POSTN: variants seen among roughly 807,000 people sequenced by gnomAD.
POSTN encodes osteoblast specific factor 2 (fasciclin I-like).
POSTN carries 71 observed loss-of-function variants against 104.5 expected under a neutral mutation model. The observed-to-expected ratio is 0.68, with a 90% confidence interval of 0.56 to 0.83. POSTN has a LOEUF of 0.83. POSTN is among the 40% of genes least tolerant of loss of function. POSTN has a pLI of 0.00. For missense variants in POSTN, 949 were observed against 1,006.8 expected (o/e 0.94, Z 0.78); for synonymous variants, 355 against 340.7 (o/e 1.04, Z -0.46).
chr13:37,572,283 AT>A (rs960938339), intron 17 of POSTN, among the ~76,000 whole-genome samples: 5 of 149,980 alleles, frequency 3.3e-5, no homozygotes, highest in African/African-American at 4.9e-5. Flanking sequence ...CTTTGAGAGC[AT>A]TTTTTTTTGC....
intron 2 of POSTN, among the ~76,000 whole-genome samples, chr13:37,592,817 T>A (rs781503871): frequency 1.2e-4 from 19 of 152,242 alleles, no homozygotes; most frequent in Admixed American, 9.8e-4. Flanking sequence ...ACAGAGTAAT[T>A]GTGAATCTCA....
rs1566026920 is a variant in POSTN, at chr13:37,584,861, A to G, written c.963T>C (p.Phe321=). The G allele has an allele frequency of 3.1e-6, 5 of 1,613,796 alleles. No individual in the cohort carries two copies. Among genetic ancestry groups the G allele is most frequent in the South Asian group, 1.1e-5 (1 of 91,080 alleles). The change falls in exon 8 of 23, where the codon TTT becomes TTC. Residue 321 remains phenylalanine, a synonymous_variant. Transcript: ENST00000379747. ...CAATTGTATTTCCTTCCAGCGTCTC[A>G]AAGACTGCTCCTCCCATAATAGACT... ...CSESIMGGAV[F]ETLEGNTIEI...
chr13:37,596,365 T>C (rs1296544961), intron 2 of POSTN, among the ~76,000 whole-genome samples: 1 of 152,122 alleles, frequency 6.6e-6, no homozygotes, highest in African/African-American at 2.4e-5. Flanking sequence ...ATGACTGGTC[T>C]CCCTCATTGT....
At position 37,590,408 on chromosome 13, in the gene POSTN, AAAGT is replaced by A. The variant is rs1472791001; in HGVS notation, c.401_404del (p.Tyr134LeufsTer23). The A allele has an allele frequency of 6.2e-7, 1 of 1,603,950 alleles. No individual in the cohort carries two copies. The highest frequency in any genetic ancestry group is 1.1e-5 in the South Asian group (1 of 89,474). ...TGTCCCAAGCCTCATTACTCGGTGC[AAAGT>A]AAGTGAAGGATCCCTTTCCCTCGAT... On this transcript the variant is annotated frameshift_variant, in exon 4 of 23. Transcript: ENST00000379747. LOFTEE classifies it high-confidence loss of function.
At chr13:37,588,932 T>C (rs1950841553) in intron 4 of POSTN, among the ~76,000 whole-genome samples, 1 of 152,042 alleles carries the variant, frequency 6.6e-6, no homozygotes, top group South Asian at 2.1e-4. Context: ...AATTAGAGTA[T>C]TAGGGGGATC....
At position 37,586,175 on chromosome 13, in the gene POSTN, G is replaced by T; in HGVS notation, c.859C>A (p.Leu287Ile). 6.2e-7 allele frequency: 1 copy of T among 1,613,632 alleles called. No individual in the cohort carries two copies. Among genetic ancestry groups the T allele is most frequent in the Middle Eastern group, 1.7e-4 (1 of 6,056 alleles). ...ACTTTGTCTCCCATGATCCTTTCTA[G>T]GACACCTCGTGGAAGTTTCTCAAAA... is the stretch of plus-strand genomic sequence containing the variant. ...EAFEKLPRGV[L>I]ERIMGDKVAS... Residue 287 changes from leucine (L) to isoleucine (I), a missense_variant, in exon 7 of 23, where the codon CTA (leucine) becomes ATA (isoleucine). Coordinates refer to ENST00000379747, the MANE Select transcript of POSTN (RefSeq NM_006475.3).
intron 10 of POSTN, among the ~76,000 whole-genome samples, chr13:37,582,160 G>A (rs1053149547): frequency 2.0e-5 from 3 of 152,180 alleles, no homozygotes; most frequent in Non-Finnish European, 4.4e-5. Flanking sequence ...TGAAACACAT[G>A]CAAAATATCT....
chr13:37,566,421 A>C (rs985622732), intron 21 of POSTN, among the ~76,000 whole-genome samples: 1 of 152,202 alleles, frequency 6.6e-6, no homozygotes, highest in African/African-American at 2.4e-5. Flanking sequence ...GACCATGTTA[A>C]TGTCAATTGA....
chr13:37,582,314 A>G (rs1950616292), intron 10 of POSTN, 52 bp downstream of exon 10: 1 of 1,533,202 alleles, frequency 6.5e-7, no homozygotes, highest in African/African-American at 1.4e-5. Context: ...TTGAAACAGC[A>G]TTATTTGACA....
rs1950762743 is a variant in POSTN, at chr13:37,586,880, T to C, written c.655A>G (p.Thr219Ala). The C allele has an allele frequency of 3.1e-6, 5 of 1,613,320 alleles. No homozygotes were observed. Among genetic ancestry groups the C allele is most frequent in the Non-Finnish European group, 3.4e-6 (4 of 1,179,502 alleles). ...TCAATGACATGGACAACACCATTTG[T>C]TGCAATCTGGTTCCCATGGATGATT... is the stretch of plus-strand genomic sequence containing the variant. ...ARIIHGNQIA[T>A]NGVVHVIDRV... Residue 219 changes from threonine to alanine, a missense_variant, in exon 6 of 23, where the codon ACA becomes GCA. Thr to Ala is a moderately conservative substitution (Grantham distance 58, BLOSUM62 0). Transcript: ENST00000379747.
At position 37,570,598 on chromosome 13, in the gene POSTN, C is replaced by T. The variant is rs199614400; in HGVS notation, c.2251G>A (p.Glu751Lys). The change falls in exon 19 of 23, where the codon GAA becomes AAA. Residue 751 changes from glutamate to lysine, a missense_variant. Physicochemically the swap from Glu to Lys is moderately conservative, Grantham distance 56. Coordinates refer to ENST00000379747, the MANE Select transcript of POSTN (RefSeq NM_006475.3). ...TGGCTACCTGTAATGATTCGTTCTT[C>T]TCGTGTCTCTTTTTCAGTTATTTCC... ...PVEITEKETR[E>K]ERIITGPEIK... is the part of the protein sequence containing the mutation. 121 of 1,602,026 alleles carry T rather than the reference C, an allele frequency of 7.6e-5. No homozygotes were observed. The East Asian group carries it at 2.6e-3, about 35-fold the overall frequency.
At chr13:37,595,016 A>C (rs1331051807) in intron 2 of POSTN, among the ~76,000 whole-genome samples, 1 of 146,164 alleles carries the variant, frequency 6.8e-6, no homozygotes, top group Admixed American at 6.9e-5. Context: ...TTTCTGGTTA[A>C]AAAAAAAAAA....
chr13:37,580,040 T>C lies in POSTN; in HGVS notation c.1530-49A>G, dbSNP rs779989358. The C allele has an allele frequency of 2.2e-5, 34 of 1,554,062 alleles. No individual in the cohort carries two copies. The Admixed American group carries it at 5.3e-4, about 24-fold the overall frequency. The stretch of plus-strand genomic sequence containing the variant: ...ATTTTGTCAGATTTAGATTTAGGTA[T>C]GTTCACCTACAGTGCATGTAATAGA... On this transcript the variant is annotated intron_variant, in intron 11 of 22. Transcript: ENST00000379747.
intron 16 of POSTN, among the ~76,000 whole-genome samples, chr13:37,576,141 C>T (rs553697897): frequency 1.1e-4 from 16 of 152,146 alleles, no homozygotes; most frequent in Non-Finnish European, 1.6e-4. Flanking sequence ...TATTTGACAA[C>T]TTATACCAAA....
At chr13:37,577,724 C>T (rs1306829918) in intron 16 of POSTN, 29 bp downstream of exon 16, 1 of 1,605,554 alleles carries the variant, frequency 6.2e-7, no homozygotes, top group East Asian at 2.2e-5. Context: ...CCTTGCCACC[C>T]AGGTGGCCAA....
chr13:37,595,217 C>G (rs1951051653), intron 2 of POSTN, among the ~76,000 whole-genome samples: 1 of 152,074 alleles, frequency 6.6e-6, no homozygotes, highest in Non-Finnish European at 1.5e-5. Flanking sequence ...AAGGTCCTTT[C>G]TTATCTAGTT....
chr13:37,581,584 G>A (rs1007062400), intron 10 of POSTN, among the ~76,000 whole-genome samples: 1 of 152,056 alleles, frequency 6.6e-6, no homozygotes, highest in Non-Finnish European at 1.5e-5. Context: ...ATTAACTAGG[G>A]TGATGTTGTG....
intron 21 of POSTN, chr13:37,564,828 T>C: frequency 3.4e-6 from 1 of 291,854 alleles, no homozygotes; most frequent in African/African-American, 2.2e-5. Context: ...CCCCACCTAA[T>C]GTGCCATTTT....
In POSTN at chr13:37,584,932, G is replaced by C. The variant is rs1216533413; in HGVS notation, c.896-4C>G. On this transcript the variant is annotated splice_polypyrimidine_tract_variant and splice_region_variant and intron_variant, in intron 7 of 22. Transcript: ENST00000379747. Reference sequence around the variant, plus strand: ...AAGATGTGGTACTTCATAAGAGCTGGAGAACACAATAAAAACAGGTAGCTT... The same window carrying C: ...AAGATGTGGTACTTCATAAGAGCTGCAGAACACAATAAAAACAGGTAGCTT... 1.2e-6 allele frequency: 2 copies of C among 1,613,224 alleles called. No homozygotes were observed. The highest frequency in any genetic ancestry group is 1.1e-5 in the South Asian group (1 of 90,992).
Sources: allele counts gnomAD v4.1 joint callset (sites outside exome capture counted in the v4.1 genomes callset), GRCh38; gene constraint gnomAD v4.1.1; transcripts MANE v1.5; gene names NCBI Gene and HGNC (gene_info 2026-07-23, HGNC 2026-07-21).